The following RDX variants were observed in gnomAD, a reference collection of about 807,000 sequenced individuals.
The protein encoded by RDX is radixin, also known as deafness, autosomal recessive 24.
RDX carries 32 observed loss-of-function variants against 83.7 expected under a neutral mutation model. The ratio of observed to expected loss-of-function variants is 0.38; its 90% CI spans 0.29 to 0.51. The LOEUF is 0.51. Ranked by LOEUF, RDX falls within the 20% of genes least tolerant of loss-of-function variation. The pLI is 0.87. For missense variants in RDX, 600 were observed against 689.9 expected (o/e 0.87, Z 1.46); for synonymous variants, 229 against 222.7 (o/e 1.03, Z -0.25).
intron 15 of RDX, among the ~76,000 whole-genome samples, chr11:110,187,552 G>A (rs376260331): frequency 6.6e-6 from 1 of 152,224 alleles, no homozygotes; most frequent in Non-Finnish European, 1.5e-5. Flanking sequence ...TCCTAGAGCA[G>A]GAGTTTAGGA....
At chr11:110,278,189 G>A (rs1860593657) in intron 2 of RDX, among the ~76,000 whole-genome samples, 1 of 151,240 alleles carries the variant, frequency 6.6e-6, no homozygotes, top group Admixed American at 6.6e-5. Flanking sequence ...TTATTTTAGT[G>A]GCTTAAGAAT....
At chr11:110,266,722 C>G (rs1034954150) in intron 3 of RDX, among the ~76,000 whole-genome samples, 4 of 152,088 alleles carry the variant, frequency 2.6e-5, no homozygotes, top group Non-Finnish European at 4.4e-5. Flanking sequence ...CACATTCCAC[C>G]ACACCTAGTT....
At chr11:110,224,221 TAAAA>T (rs1298726577) in intron 14 of RDX, among the ~76,000 whole-genome samples, 2 of 146,358 alleles carry the variant, frequency 1.4e-5, no homozygotes, top group Admixed American at 1.4e-4. Flanking sequence ...ATATATATAT[TAAAA>T]AAAAAAAACA....
At chr11:110,280,902 T>C (rs951151280) in intron 1 of RDX, among the ~76,000 whole-genome samples, 1 of 152,028 alleles carries the variant, frequency 6.6e-6, no homozygotes, top group Non-Finnish European at 1.5e-5. Context: ...TGGTGGCTCA[T>C]GCCTATAATC....
intron 3 of RDX, among the ~76,000 whole-genome samples, chr11:110,266,033 A>C (rs923404128): frequency 6.6e-6 from 1 of 152,108 alleles, no homozygotes; most frequent in Non-Finnish European, 1.5e-5. Flanking sequence ...CTCAAAAGTA[A>C]GACTAAGTAG....
intron 15 of RDX, among the ~76,000 whole-genome samples, chr11:110,183,111 C>T (rs12294712): frequency 0.049 from 7,460 of 152,176 alleles, 611 homozygotes; most frequent in African/African-American, 0.17. Context: ...GTGGGTTACC[C>T]GCACCTTGGT....
At chr11:110,242,768 T>C (rs1056203207) in intron 10 of RDX, among the ~76,000 whole-genome samples, 3 of 152,110 alleles carry the variant, frequency 2.0e-5, no homozygotes, top group South Asian at 2.1e-4. Context: ...TTAACAGTCA[T>C]ATAGCCCATA....
At chr11:110,220,039 C>T (rs1451026940) in intron 14 of RDX, among the ~76,000 whole-genome samples, 3 of 152,026 alleles carry the variant, frequency 2.0e-5, no homozygotes, top group Admixed American at 1.3e-4. Context: ...TTTTGTGTAC[C>T]GGGAGAAAAC....
At chr11:110,238,437 TGACAGAA>T (rs1864949188) in intron 10 of RDX, among the ~76,000 whole-genome samples, 1 of 152,188 alleles carries the variant, frequency 6.6e-6, no homozygotes, top group South Asian at 2.1e-4. Flanking sequence ...TTAAGCCCTG[TGACAGAA>T]GACAATAGAA....
At chr11:110,201,851 A>G (rs1863416319) in intron 14 of RDX, among the ~76,000 whole-genome samples, 2 of 150,578 alleles carry the variant, frequency 1.3e-5, no homozygotes. Flanking sequence ...TTCCTGTCTC[A>G]GCTTCCCAGG....
intron 9 of RDX, among the ~76,000 whole-genome samples, chr11:110,251,617 C>A (rs575206914): frequency 5.5e-4 from 84 of 152,230 alleles, no homozygotes; most frequent in African/African-American, 2.0e-3. Context: ...CCACAGCTAA[C>A]CTACAATTGG....
chr11:110,217,475 GA>G (rs1221756675), intron 14 of RDX, among the ~76,000 whole-genome samples: 1 of 152,182 alleles, frequency 6.6e-6, no homozygotes, highest in Non-Finnish European at 1.5e-5. Flanking sequence ...CCTCCCACCA[GA>G]AGTCCTTAGC....
chr11:110,231,696 A>C lies in RDX; in HGVS notation c.*173T>G. 1 of 716,540 alleles carries C rather than the reference A, an allele frequency of 1.4e-6. No homozygotes were observed. The allele number at this position is 716,540 out of a possible 1,614,324, so 44.4% of individuals were successfully genotyped here. ...AAGAAAAAAGAAAACCAAGCATGAT[A>C]TCATACTGCCTTAATGTTGAAGAGC... On this transcript the variant is annotated 3_prime_UTR_variant, in exon 14 of 14. Coordinates refer to ENST00000645495, the MANE Select transcript of RDX (RefSeq NM_002906.4).
intron 15 of RDX, chr11:110,199,475 C>A: frequency 1.5e-6 from 1 of 662,364 alleles, no homozygotes; most frequent in Non-Finnish European, 2.8e-6. Context: ...TGTGGATGAA[C>A]AGGTTCAGAT....
chr11:110,277,801 T>C (rs184700890), intron 2 of RDX, among the ~76,000 whole-genome samples: 77 of 152,358 alleles, frequency 5.1e-4, no homozygotes, highest in African/African-American at 1.7e-3. Context: ...CAAAAGTTTT[T>C]AATTTTGATT....
chr11:110,287,060 C>T (rs1002676826), intron 1 of RDX: 13 of 152,122 alleles, frequency 8.5e-5, no homozygotes, highest in African/African-American at 3.1e-4. Context: ...TTCGAGACAG[C>T]TTTAATGTAT....
chr11:110,266,777 G>A (rs1002491217), intron 3 of RDX, among the ~76,000 whole-genome samples: 1 of 152,046 alleles, frequency 6.6e-6, no homozygotes, highest in African/African-American at 2.4e-5. Flanking sequence ...TGTAGAGGCA[G>A]GGGTCTTGCT....
At chr11:110,285,936 A>G (rs1860963321) in intron 1 of RDX, among the ~76,000 whole-genome samples, 1 of 151,992 alleles carries the variant, frequency 6.6e-6, no homozygotes, top group South Asian at 2.1e-4. Flanking sequence ...TATAAAAATA[A>G]TAATAAAAAA....
intron 4 of RDX, 101 bp from the exon 5 acceptor site, chr11:110,264,335 G>T: frequency 1.2e-6 from 1 of 801,612 alleles, no homozygotes; most frequent in Non-Finnish European, 2.0e-6. Context: ...AAGTGAAATA[G>T]ATTCTAAATC....
Sources: gnomAD v4.1 joint callset for allele counts (sites outside exome capture counted in the v4.1 genomes callset) on GRCh38, gnomAD v4.1.1 for gene constraint, MANE v1.5 for transcripts, NCBI Gene and HGNC (gene_info 2026-07-23, HGNC 2026-07-21) for gene names.